The following SV2B variants were observed in gnomAD, a reference collection of about 807,000 sequenced individuals.
The protein encoded by SV2B is synaptic vesicle glycoprotein 2B.
In SV2B, 41 loss-of-function variants were observed where a neutral mutation model predicts 73.9. The observed-to-expected ratio is 0.56, with a 90% CI of 0.43 to 0.72. The LOEUF is 0.72. SV2B is among the 30% of genes least tolerant of loss of function. SV2B has a pLI of 0.00. For synonymous variants in SV2B, 314 were observed against 314.2 expected (o/e 1.00, Z 0.01); for missense variants, 764 against 857.8 (o/e 0.89, Z 1.37).
intron 1 of SV2B, among the ~76,000 whole-genome samples, chr15:91,112,126 G>A (rs1173379787): frequency 6.6e-6 from 1 of 151,726 alleles, no homozygotes; most frequent in Non-Finnish European, 1.5e-5. Flanking sequence ...GGCTGGGGGT[G>A]GGGTGAGGGT....
In SV2B at chr15:91,278,178, C is replaced by A. The variant is rs571505126; in HGVS notation, c.1374-3550C>A. Among the ~76,000 whole-genome samples, 14 of 152,290 alleles carry A rather than the reference C, an allele frequency of 9.2e-5. 1 individual carries two copies. Among genetic ancestry groups the A allele is most frequent in the African/African-American group, 2.9e-4 (12 of 41,552 alleles). On this transcript the variant is annotated intron_variant, in intron 9 of 12. Coordinates refer to ENST00000394232, the MANE Select transcript of SV2B (RefSeq NM_001323032.3). Reference sequence around the variant, plus strand: ...TTTATTTCTTTCTTGGGGCTACACACAGTAAAAGTACGCCCCGTTTATGGA... The same window carrying A: ...TTTATTTCTTTCTTGGGGCTACACAAAGTAAAAGTACGCCCCGTTTATGGA...
intron 6 of SV2B, among the ~76,000 whole-genome samples, chr15:91,260,795 T>A (rs1043603986): frequency 2.0e-5 from 3 of 152,148 alleles, no homozygotes; most frequent in Non-Finnish European, 4.4e-5. Context: ...GAAAGGCACT[T>A]CTTACATGGT....
intron 1 of SV2B, among the ~76,000 whole-genome samples, chr15:91,194,916 C>T (rs2045188584): frequency 1.3e-5 from 2 of 152,034 alleles, no homozygotes; most frequent in Non-Finnish European, 2.9e-5. Context: ...TAAGAATCAG[C>T]ACATAGTTTG....
At position 91,141,746 on chromosome 15, in the gene SV2B, T is replaced by TC. The variant is rs1353700154; in HGVS notation, c.-392+41383_-392+41384insC. Among the ~76,000 whole-genome samples the TC allele has an allele frequency of 1.7e-5, 1 of 59,760 alleles. No homozygotes were observed. Among genetic ancestry groups the TC allele is most frequent in the Admixed American group, 1.8e-4 (1 of 5,668 alleles). 39.2% of individuals were successfully genotyped at this position (59,760 alleles called of 152,430 possible). A position where few individuals can be genotyped will look rare whatever the true frequency, so the allele number is the denominator to read the frequency against. On this transcript the variant is annotated intron_variant, in intron 1 of 12. Coordinates refer to ENST00000394232, the MANE Select transcript of SV2B (RefSeq NM_001323032.3). The surrounding 1 kb of genome is among the most constrained non-coding windows in gnomAD (Gnocchi z 4.6). ...GCCAAATAGTTTGGGTTTTGTTTTG[T>TC]TTTTTTTTTTGGACAGAGGTCACAT...
intron 1 of SV2B, among the ~76,000 whole-genome samples, chr15:91,108,711 A>G (rs2041956836): frequency 6.6e-6 from 1 of 152,204 alleles, no homozygotes; most frequent in African/African-American, 2.4e-5. Flanking sequence ...TACCATTCTG[A>G]CATCCCCTAG....
rs1266525900 is a variant in SV2B at position 91,228,057 on chromosome 15, G to T, written c.451+1343G>T. ...AGATTTAGCCTGCGGGCTGCAGTTT[G>T]CAATCCCCTGATTTAGGGCCACTGT... On this transcript the variant is annotated intron_variant, in intron 2 of 12. Transcript: ENST00000394232. Among the ~76,000 whole-genome samples the T allele has an allele frequency of 2.0e-5, 3 of 152,164 alleles. No individual in the cohort carries two copies. In the South Asian group the frequency reaches 6.2e-4, roughly 32 times the overall value.
At chr15:91,150,401 G>A (rs931866536) in intron 1 of SV2B, among the ~76,000 whole-genome samples, 1 of 152,160 alleles carries the variant, frequency 6.6e-6, no homozygotes, top group African/African-American at 2.4e-5. Flanking sequence ...AGCTCATGCT[G>A]GGCTGAACCA....
In SV2B at chr15:91,110,930, TAAGGC is replaced by T. The variant is rs141382000; in HGVS notation, c.-392+10570_-392+10574del. Among the ~76,000 whole-genome samples the T allele has an allele frequency of 0.054, 8,228 of 152,264 alleles. 263 individuals carry two copies. The highest frequency in any genetic ancestry group is 0.12 in the South Asian group (572 of 4,824). ...AATGTAAAGGCAGTAGCTTGAAACT[TAAGGC>T]AAAGAAGAGAAACTCAAATGGGACA... On this transcript the variant is annotated intron_variant, in intron 1 of 12. Coordinates refer to ENST00000394232, the MANE Select transcript of SV2B (RefSeq NM_001323032.3). The surrounding 1 kb of genome is among the most constrained non-coding windows in gnomAD (Gnocchi z 5.4).
intron 1 of SV2B, among the ~76,000 whole-genome samples, chr15:91,169,863 A>C (rs767877052): frequency 6.6e-6 from 1 of 152,224 alleles, no homozygotes; most frequent in East Asian, 1.9e-4. Flanking sequence ...ACATTCATTT[A>C]GCAGCCTGGA....
At position 91,223,666 on chromosome 15, in the gene SV2B, CTT is replaced by C. The variant is rs1472407960; in HGVS notation, c.-391-2206_-391-2205del. 6.6e-6 allele frequency among the ~76,000 whole-genome samples: 1 copy of C among 152,166 alleles called. No individual in the cohort carries two copies. The highest frequency in any genetic ancestry group is 1.5e-5 in the Non-Finnish European group (1 of 68,044). Reference sequence around the variant, plus strand: ...AAACTCTCCTGCTGTTTACATGTGACTTATATTCCGCCGGTGGTCCCTAAATA... The same window carrying C: ...AAACTCTCCTGCTGTTTACATGTGACATATTCCGCCGGTGGTCCCTAAATA... On this transcript the variant is annotated intron_variant, in intron 1 of 12. Coordinates refer to ENST00000394232, the MANE Select transcript of SV2B (RefSeq NM_001323032.3). This position sits in a 1 kb window ranked among gnomAD's most constrained non-coding sequence, Gnocchi z 4.6.
chr15:91,228,534 T>C (rs1424874816), intron 2 of SV2B, among the ~76,000 whole-genome samples: 1 of 152,190 alleles, frequency 6.6e-6, no homozygotes, highest in Non-Finnish European at 1.5e-5. Flanking sequence ...GAGTCCAAAT[T>C]GGCAATGTCG....
chr15:91,255,215 A>C (rs1233373934), intron 4 of SV2B, among the ~76,000 whole-genome samples: 1 of 152,158 alleles, frequency 6.6e-6, no homozygotes, highest in African/African-American at 2.4e-5. Context: ...GCAATAAAAG[A>C]ATTCAGGTTG....
chr15:91,255,072 C>T (rs1167963888), intron 4 of SV2B, among the ~76,000 whole-genome samples: 1 of 152,160 alleles, frequency 6.6e-6, no homozygotes, highest in East Asian at 1.9e-4. Flanking sequence ...CACAGGTGTG[C>T]AACACAGTGG....
chr15:91,256,917 T>G (rs749294072), intron 4 of SV2B, among the ~76,000 whole-genome samples: 1 of 152,226 alleles, frequency 6.6e-6, no homozygotes, highest in Non-Finnish European at 1.5e-5. Flanking sequence ...CAAGGCAAGC[T>G]GTTTGCCACT....
intron 1 of SV2B, among the ~76,000 whole-genome samples, chr15:91,169,143 G>A (rs1159188823): frequency 6.6e-6 from 1 of 152,036 alleles, no homozygotes; most frequent in African/African-American, 2.4e-5. Context: ...ATCTCATTCT[G>A]TTTCTCCTCC....
At chr15:91,203,862 C>T (rs1051807351) in intron 1 of SV2B, among the ~76,000 whole-genome samples, 1 of 152,002 alleles carries the variant, frequency 6.6e-6, no homozygotes, top group African/African-American at 2.4e-5. Flanking sequence ...CTCTCTCCCT[C>T]TCTCTCTCTG....
chr15:91,256,174 G>A (rs1426164245), intron 4 of SV2B, among the ~76,000 whole-genome samples: 2 of 152,194 alleles, frequency 1.3e-5, no homozygotes, highest in East Asian at 3.8e-4. Context: ...AATCCTGACA[G>A]AGAAAAGTAG....
At chr15:91,155,960 C>T (rs2043476672) in intron 1 of SV2B, among the ~76,000 whole-genome samples, 1 of 151,992 alleles carries the variant, frequency 6.6e-6, no homozygotes, top group African/African-American at 2.4e-5. Context: ...TTCTCTCTTT[C>T]CAAGAAATCA....
intron 1 of SV2B, among the ~76,000 whole-genome samples, chr15:91,181,147 C>T (rs898228807): frequency 2.6e-5 from 4 of 152,208 alleles, no homozygotes; most frequent in Admixed American, 2.0e-4. Flanking sequence ...TTGGAGTTTG[C>T]CAGAGGTCCA....
Sources: gnomAD v4.1 joint callset for allele counts (sites outside exome capture counted in the v4.1 genomes callset) on GRCh38, gnomAD v4.1.1 for gene constraint, Gnocchi (gnomAD v3.1) non-coding constraint, MANE v1.5 for transcripts, NCBI Gene and HGNC (gene_info 2026-07-23, HGNC 2026-07-21) for gene names.